The following FAM20C variants were observed in gnomAD, a reference collection of about 807,000 sequenced individuals.
FAM20C encodes FAM20C golgi associated secretory pathway kinase.
In FAM20C, 40 loss-of-function variants were observed where a neutral mutation model predicts 51.5. The observed-to-expected ratio is 0.78, with a 90% CI of 0.60 to 1.01. FAM20C has a LOEUF of 1.01. Among genes scored for constraint, FAM20C ranks in the 50% least tolerant of loss-of-function variants. FAM20C has a pLI of 0.00. For missense variants in FAM20C, 861 were observed against 844.7 expected (o/e 1.02, Z -0.24); for synonymous variants, 406 against 380.6 (o/e 1.07, Z -0.78).
At position 193,277 on chromosome 7, in the gene FAM20C, C is replaced by T. The variant is rs1468312405; in HGVS notation, c.78C>T (p.Ala26=). 2 of 1,448,144 alleles carry T rather than the reference C, an allele frequency of 1.4e-6. No homozygotes were observed. Among genetic ancestry groups the T allele is most frequent in the Non-Finnish European group, 1.8e-6 (2 of 1,096,548 alleles). The allele number at this position is 1,448,144 out of a possible 1,614,324, so 89.7% of individuals were successfully genotyped here. A position where few individuals can be genotyped will look rare whatever the true frequency, so the allele number is the denominator to read the frequency against. The change falls in exon 1 of 10, where the codon GCC becomes GCT. Residue 26 remains alanine (A), a synonymous_variant. Coordinates refer to ENST00000313766, the MANE Select transcript of FAM20C (RefSeq NM_020223.4). ...VFLVACALHI[A]LDLLPRLERR... Reference sequence around the variant, plus strand: ...TGGTGGCCTGCGCGCTGCACATCGCCCTGGACCTGCTGCCCAGGCTGGAGC... The same window carrying T: ...TGGTGGCCTGCGCGCTGCACATCGCTCTGGACCTGCTGCCCAGGCTGGAGC...
At chr7:203,917 G>A (rs28674654) in intron 2 of FAM20C, among the ~76,000 whole-genome samples, 90,636 of 152,100 alleles carry the variant, frequency 0.6, 28,633 homozygotes, top group African/African-American at 0.81. Context: ...TGGAAATGGG[G>A]GCATCAAATG....
At chr7:250,979 G>A (rs1197299625) in intron 5 of FAM20C, among the ~76,000 whole-genome samples, 1 of 152,226 alleles carries the variant, frequency 6.6e-6, no homozygotes, top group Non-Finnish European at 1.5e-5. Flanking sequence ...AGGACCGATT[G>A]AAAGAGACGG....
rs745637661 is a variant in FAM20C, at chr7:195,704, C to A, written c.756C>A (p.Asp252Glu). The A allele has an allele frequency of 3.1e-6, 5 of 1,609,236 alleles. No individual in the cohort carries two copies. The Admixed American group carries it at 6.7e-5, about 22-fold the overall frequency. ...HNPAIEALLHDLSSQRITSVA... is the reference protein window; with the variant it reads ...HNPAIEALLHELSSQRITSVA... Reference sequence around the variant, plus strand: ...CGGCCATCGAGGCCCTGCTGCACGACCTCAGCTCCCAGAGGATCACCAGCG... The same window carrying A: ...CGGCCATCGAGGCCCTGCTGCACGAACTCAGCTCCCAGAGGATCACCAGCG... Residue 252 changes from aspartate to glutamate, a missense_variant, in exon 2 of 10, where the codon GAC becomes GAA. Asp to Glu is a conservative substitution (Grantham distance 45, BLOSUM62 2). Around this residue, in one of 3 missense-constraint regions of FAM20C, gnomAD observed 561 missense variants for 499.8 expected, o/e 1.12. Transcript: ENST00000313766.
chr7:213,427 A>C (rs1398102058), intron 3 of FAM20C, among the ~76,000 whole-genome samples: 2 of 152,074 alleles, frequency 1.3e-5, no homozygotes, highest in Non-Finnish European at 2.9e-5. Flanking sequence ...CACGTTTCTG[A>C]GGCTCTGGAG....
At chr7:203,498 G>A (rs1455015603) in intron 2 of FAM20C, among the ~76,000 whole-genome samples, 1 of 152,206 alleles carries the variant, frequency 6.6e-6, no homozygotes, top group African/African-American at 2.4e-5. Flanking sequence ...CACCCATCCC[G>A]ATGAGCACCG....
At position 246,713 on chromosome 7, in the gene FAM20C, G is replaced by A. The variant is rs541546760; in HGVS notation, c.956+206G>A. 3.3e-5 allele frequency among the ~76,000 whole-genome samples: 5 copies of A among 149,542 alleles called. No individual in the cohort carries two copies. The South Asian group carries it at 6.5e-4, about 19-fold the overall frequency. ...GTCACCTTTGTCACCATCAGGCAGC[G>A]CCGGTGCCTGCTCTCCCCCCACCCC... On this transcript the variant is annotated intron_variant, in intron 4 of 9. Coordinates refer to ENST00000313766, the MANE Select transcript of FAM20C (RefSeq NM_020223.4).
rs1447593420 is a variant in FAM20C at position 236,967 on chromosome 7, G to A, written c.864-9448G>A. 2.9e-4 allele frequency among the ~76,000 whole-genome samples: 44 copies of A among 152,332 alleles called. 1 individual carries two copies. The highest frequency in any genetic ancestry group is 1.2e-3 in the South Asian group (6 of 4,822). On this transcript the variant is annotated intron_variant, in intron 3 of 9. Coordinates refer to ENST00000313766, the MANE Select transcript of FAM20C (RefSeq NM_020223.4). Reference sequence around the variant, plus strand: ...CAGGAGTGGGACATGGACAGAAAGCGTGTCATCACCACGTCTCTGAACTTC... The same window carrying A: ...CAGGAGTGGGACATGGACAGAAAGCATGTCATCACCACGTCTCTGAACTTC...
intron 3 of FAM20C, among the ~76,000 whole-genome samples, chr7:236,583 G>T (rs933504944): frequency 1.3e-3 from 192 of 152,300 alleles, no homozygotes; most frequent in African/African-American, 4.5e-3. Context: ...GGGAAACTGA[G>T]GCCTAGGGCC....
chr7:256,494 C>T (rs982120632), intron 6 of FAM20C, 160 bp from the exon 7 acceptor site: 3 of 649,430 alleles, frequency 4.6e-6, no homozygotes, highest in African/African-American at 1.8e-5. Flanking sequence ...CCCTCCCACA[C>T]CCGTGCTCCC....
At chr7:217,125 GC>G (rs960134665) in intron 3 of FAM20C, among the ~76,000 whole-genome samples, 3 of 152,138 alleles carry the variant, frequency 2.0e-5, no homozygotes, top group Non-Finnish European at 4.4e-5. Context: ...GCCGTCAGCG[GC>G]CCCCCAGGGG....
At position 193,684 on chromosome 7, in the gene FAM20C, C is replaced by T. The variant is rs1195003834; in HGVS notation, c.485C>T (p.Ala162Val). The T allele has an allele frequency of 6.5e-7, 1 of 1,544,352 alleles. No individual in the cohort carries two copies. Among genetic ancestry groups the T allele is most frequent in the Non-Finnish European group, 8.7e-7 (1 of 1,144,650 alleles). ...CCCGGCGGAGACGCCTCCCTCCTGG[C>T]CAGGCTGTTCGAGCACCCGCTTTAC... is the stretch of plus-strand genomic sequence containing the variant. The part of the protein sequence containing the change: ...PGPGGDASLL[A>V]RLFEHPLYRV... Residue 162 changes from alanine (A) to valine (V), a missense_variant, in exon 1 of 10, where the codon GCC becomes GTC. This residue lies in a region of FAM20C where 561 missense variants were observed against 499.8 expected (regional missense o/e 1.12). Transcript: ENST00000313766.
chr7:208,023 A>G (rs1221863575), intron 2 of FAM20C, among the ~76,000 whole-genome samples: 2 of 152,216 alleles, frequency 1.3e-5, no homozygotes, highest in Non-Finnish European at 2.9e-5. Context: ...GCTGCCTCGC[A>G]TGAGACAGGT....
intron 3 of FAM20C, among the ~76,000 whole-genome samples, chr7:240,805 C>T (rs1263645076): frequency 5.9e-5 from 9 of 152,146 alleles, no homozygotes; most frequent in Admixed American, 5.2e-4. Context: ...TAGGGAAGAG[C>T]CACATTCTGC....
intron 3 of FAM20C, among the ~76,000 whole-genome samples, chr7:231,755 C>T (rs75711295): frequency 2.9e-3 from 446 of 152,294 alleles, no homozygotes; most frequent in Non-Finnish European, 5.6e-3. Context: ...CCAGCTCTTA[C>T]GGCCTCTCAG....
chr7:234,170 C>G (rs1476086819), intron 3 of FAM20C, among the ~76,000 whole-genome samples: 2 of 152,340 alleles, frequency 1.3e-5, no homozygotes, highest in East Asian at 1.9e-4. Flanking sequence ...GAGGAGAGCA[C>G]GAGAGCCTTC....
intron 3 of FAM20C, among the ~76,000 whole-genome samples, chr7:223,624 C>T (rs755619457): frequency 3.3e-4 from 51 of 152,278 alleles, no homozygotes; most frequent in Non-Finnish European, 5.3e-4. Context: ...GCTGCTGCAC[C>T]GAGCCCCGTG....
At position 193,293 on chromosome 7, in the gene FAM20C, A is replaced by T. The variant is rs1372404570; in HGVS notation, c.94A>T (p.Arg32Trp). Residue 32 changes from arginine to tryptophan, a missense_variant, in exon 1 of 10, where the codon AGG becomes TGG. Transcript: ENST00000313766. ...GCACATCGCCCTGGACCTGCTGCCC[A>T]GGCTGGAGCGACGCGGCGCGCGGCC... Reference protein sequence around the residue: ...ALHIALDLLPRLERRGARPSG... With the variant: ...ALHIALDLLPWLERRGARPSG... The T allele has an allele frequency of 7.1e-7, 1 of 1,416,378 alleles. No individual in the cohort carries two copies. The allele number at this position is 1,416,378 out of a possible 1,614,324, so 87.7% of individuals were successfully genotyped here.
intron 2 of FAM20C, among the ~76,000 whole-genome samples, chr7:201,535 G>A (rs968787127): frequency 6.6e-6 from 1 of 152,188 alleles, no homozygotes; most frequent in African/African-American, 2.4e-5. Flanking sequence ...TTTCAGGGCC[G>A]TCTCTCCCTG....
chr7:204,931 G>T (rs926425743), intron 2 of FAM20C, among the ~76,000 whole-genome samples: 5 of 152,264 alleles, frequency 3.3e-5, no homozygotes, highest in Admixed American at 2.0e-4. Context: ...GAGGGGACGT[G>T]GCACTCTTGT....
Sources: gnomAD v4.1 joint callset for allele counts (sites outside exome capture counted in the v4.1 genomes callset) on GRCh38, gnomAD v4.1.1 for gene constraint, gnomAD v4.1.1 regional missense constraint, MANE v1.5 for transcripts, NCBI Gene and HGNC (gene_info 2026-07-23, HGNC 2026-07-21) for gene names.